Variants in IL16 observed in about 807,000 individuals in gnomAD.
The protein encoded by IL16 is pro-interleukin-16.
A neutral mutation model predicts 110.1 loss-of-function variants in IL16; 67 were observed. That is an observed-to-expected ratio of 0.61 (90% confidence interval 0.50 to 0.75). The LOEUF (loss-of-function observed/expected upper bound fraction) is 0.75, where lower values mean the gene tolerates loss of function less well. IL16 is among the 30% of genes least tolerant of loss of function. The pLI is 0.00. For missense variants in IL16, 1,545 were observed against 1,655.0 expected (o/e 0.93, Z 1.15); for synonymous variants, 689 against 662.9 (o/e 1.04, Z -0.61).
chr15:81,305,669 T>C (rs1900513962), intron 16 of IL16: 1 of 558,316 alleles, frequency 1.8e-6, no homozygotes, highest in East Asian at 3.1e-5. Context: ...TATAGGACGT[T>C]GTGTTGGGAT....
intron 2 of IL16, among the ~76,000 whole-genome samples, chr15:81,226,814 G>A (rs899289277): frequency 6.6e-6 from 1 of 152,090 alleles, no homozygotes; most frequent in African/African-American, 2.4e-5. Context: ...AGGCTCCCAG[G>A]CTGCCATTAA....
At chr15:81,183,025 G>C (rs1895367313) in intron 1 of IL16, 10 of 476,244 alleles carry the variant, frequency 2.1e-5, no homozygotes, top group South Asian at 1.5e-4. Flanking sequence ...ATATGAGTGA[G>C]TGTGTGTGTG....
Position 81,297,096 on chromosome 15 carries a change from T to C in IL16, c.2053+18T>C. 6.3e-7 allele frequency: 1 copy of C among 1,599,610 alleles called. No homozygotes were observed. Among genetic ancestry groups the C allele is most frequent in the Non-Finnish European group, 8.5e-7 (1 of 1,173,626 alleles). On this transcript the variant is annotated intron_variant, in intron 13 of 18. Coordinates refer to ENST00000683961, the MANE Select transcript of IL16 (RefSeq NM_172217.5). ...CAGCCCAGGTAAGCTTTCATTGAGA[T>C]CTTCCAAAAGGAAGGGTCTTTTGAA...
intron 1 of IL16, among the ~76,000 whole-genome samples, chr15:81,190,621 G>C (rs1200941657): frequency 6.6e-6 from 1 of 152,162 alleles, no homozygotes; most frequent in Admixed American, 6.5e-5. Flanking sequence ...ATGGTACTTA[G>C]CCTTGTGTCT....
At position 81,246,416 on chromosome 15, in the gene IL16, A is replaced by G. The variant is rs148649219; in HGVS notation, c.313-13356A>G. ...CTGCCTTTTTCAGATAGCGTATAAA[A>G]TGAATACATACACTTTGTGATCTTT... is the stretch of plus-strand genomic sequence containing the variant. On this transcript the variant is annotated intron_variant, in intron 2 of 18. Coordinates refer to ENST00000683961, the MANE Select transcript of IL16 (RefSeq NM_172217.5). Among the ~76,000 whole-genome samples the G allele has an allele frequency of 2.3e-3, 350 of 152,346 alleles. 1 individual carries two copies. Among genetic ancestry groups the G allele is most frequent in the African/African-American group, 8.2e-3 (341 of 41,584 alleles).
rs1227754891 is a variant in IL16 at position 81,310,641 on chromosome 15, G to C, written c.*1843G>C. The C allele has an allele frequency of 2.6e-5, 4 of 152,356 alleles. No individual in the cohort carries two copies. In the East Asian group the frequency reaches 7.7e-4, roughly 29 times the overall value. The allele number at this position is 152,356 out of a possible 1,614,324, so 9.4% of individuals were successfully genotyped here. A position where few individuals can be genotyped will look rare whatever the true frequency, so the allele number is the denominator to read the frequency against. On this transcript the variant is annotated 3_prime_UTR_variant, in exon 19 of 19. Transcript: ENST00000683961. ...CTGGGCAAGGAGGCCACGTGATGTG[G>C]AGGGCACATTCCTTGCCTGCACAAA...
intron 2 of IL16, among the ~76,000 whole-genome samples, chr15:81,237,510 A>G: frequency 6.6e-6 from 1 of 152,222 alleles, no homozygotes; most frequent in Non-Finnish European, 1.5e-5. Context: ...TAAGATGTAT[A>G]CACACTCTAA....
chr15:81,273,251 A>G, intron 6 of IL16, 47 bp downstream of exon 6: 1 of 1,344,876 alleles, frequency 7.4e-7, no homozygotes, highest in Admixed American at 2.0e-5. Flanking sequence ...AATCAGAAGC[A>G]GAATCCAGAA....
chr15:81,250,270 A>G (rs1897721678), intron 2 of IL16, among the ~76,000 whole-genome samples: 1 of 152,126 alleles, frequency 6.6e-6, no homozygotes, highest in Non-Finnish European at 1.5e-5. Flanking sequence ...CCTGAGTTCA[A>G]GTGATTCTCA....
Position 81,305,996 on chromosome 15 carries a change from TC to T in IL16, c.3510del (p.Lys1171ArgfsTer22). On this transcript the variant is annotated frameshift_variant, in exon 17 of 19. Transcript: ENST00000683961. LOFTEE classifies it high-confidence loss of function. Reference sequence around the variant, plus strand: ...GTTCTTTCCATCAACGGCAAGTCTCTCAAGGGGACCACGCACCATGATGCCT... The same window carrying T: ...GTTCTTTCCATCAACGGCAAGTCTCTAAGGGGACCACGCACCATGATGCCT... ...NEVLSINGKS[L>X]KGTTHHDALA... 1 of 1,614,236 alleles carries T rather than the reference TC, an allele frequency of 6.2e-7. No homozygotes were observed.
At chr15:81,199,469 G>C (rs1463307653) in intron 1 of IL16, among the ~76,000 whole-genome samples, 2 of 152,232 alleles carry the variant, frequency 1.3e-5, no homozygotes, top group Non-Finnish European at 2.9e-5. Flanking sequence ...TGCTGGAGGA[G>C]AGGTTTGCTT....
rs1900919496 is a variant in IL16 at position 81,312,604 on chromosome 15, A to T, written c.*3806A>T. 6.6e-6 allele frequency: 1 copy of T among 152,236 alleles called. No homozygotes were observed. Among genetic ancestry groups the T allele is most frequent in the Non-Finnish European group, 1.5e-5 (1 of 68,042 alleles). The allele number at this position is 152,236 out of a possible 1,614,324, so 9.4% of individuals were successfully genotyped here. On this transcript the variant is annotated 3_prime_UTR_variant, in exon 19 of 19. Coordinates refer to ENST00000683961, the MANE Select transcript of IL16 (RefSeq NM_172217.5). ...TGTCTGGTTTCACCGAGGACATGAA[A>T]CTCCACCTTGCGGGGATAAAGAGAG...
chr15:81,196,284 T>C (rs1472059502), upstream of IL16, among the ~76,000 whole-genome samples: 1 of 152,250 alleles, frequency 6.6e-6, no homozygotes, highest in African/African-American at 2.4e-5. Flanking sequence ...CTTGGGGAAA[T>C]TCCACGGCAC....
intron 10 of IL16, among the ~76,000 whole-genome samples, chr15:81,288,107 C>T (rs540076946): frequency 6.6e-6 from 1 of 152,128 alleles, no homozygotes; most frequent in East Asian, 1.9e-4. Flanking sequence ...TCCAGCTGCT[C>T]AGATAAGGGA....
intron 2 of IL16, among the ~76,000 whole-genome samples, chr15:81,255,093 G>A (rs999154119): frequency 3.9e-5 from 6 of 152,200 alleles, no homozygotes; most frequent in Admixed American, 1.3e-4. Context: ...AAACTGTTTA[G>A]CTTGAACAAT....
intron 6 of IL16, among the ~76,000 whole-genome samples, chr15:81,277,035 A>G (rs1191695370): frequency 6.6e-6 from 1 of 152,150 alleles, no homozygotes. Context: ...ACAGTAAAAA[A>G]AAAAATAAGT....
chr15:81,295,309 G>A, intron 12 of IL16: 1 of 1,094,086 alleles, frequency 9.1e-7, no homozygotes, highest in South Asian at 2.0e-5. Flanking sequence ...AGAAAAATTT[G>A]TGTAAAATCA....
intron 6 of IL16, among the ~76,000 whole-genome samples, chr15:81,278,406 T>A (rs768329090): frequency 7.9e-5 from 12 of 152,202 alleles, no homozygotes; most frequent in Non-Finnish European, 1.3e-4. Flanking sequence ...TGGAAGTATA[T>A]TTTATTTGAG....
intron 10 of IL16, among the ~76,000 whole-genome samples, chr15:81,289,568 G>A (rs982047540): frequency 2.0e-5 from 3 of 152,160 alleles, no homozygotes; most frequent in African/African-American, 7.2e-5. Flanking sequence ...TTGGCTGTTT[G>A]TATATCTTCT....
Sources: allele counts gnomAD v4.1 joint callset (sites outside exome capture counted in the v4.1 genomes callset), GRCh38; gene constraint gnomAD v4.1.1; transcripts MANE v1.5; gene names NCBI Gene and HGNC (gene_info 2026-07-23, HGNC 2026-07-21).